The following CENPP variants were observed in gnomAD, a reference collection of about 807,000 sequenced individuals.
The protein encoded by CENPP is centromere protein P.
A neutral mutation model predicts 35.6 loss-of-function variants in CENPP; 24 were observed. That is an observed-to-expected ratio of 0.67 (90% CI 0.49 to 0.95). The LOEUF (loss-of-function observed/expected upper bound fraction) is 0.95, where lower values mean the gene tolerates loss of function less well. Among genes scored for constraint, CENPP ranks in the 40% least tolerant of loss-of-function variants. The pLI is 0.00. For synonymous variants in CENPP, 120 were observed against 125.5 expected (o/e 0.96, Z 0.29); for missense variants, 332 against 345.3 (o/e 0.96, Z 0.31).
intron 5 of CENPP, among the ~76,000 whole-genome samples, chr9:92,562,062 A>G (rs796272148): frequency 2.0e-5 from 3 of 152,324 alleles, no homozygotes; most frequent in African/African-American, 7.2e-5. Flanking sequence ...CAAAAACTAG[A>G]TGGCTTCAAT....
At chr9:92,371,473 G>T (rs149723493) in intron 4 of CENPP, among the ~76,000 whole-genome samples, 59 of 152,270 alleles carry the variant, frequency 3.9e-4, no homozygotes, top group African/African-American at 1.4e-3. Context: ...GTTCTGAGAA[G>T]ACACATGCTA....
At chr9:92,359,289 T>C (rs913895776) in intron 4 of CENPP, among the ~76,000 whole-genome samples, 9 of 152,290 alleles carry the variant, frequency 5.9e-5, no homozygotes, top group Admixed American at 3.3e-4. Flanking sequence ...TTTGTTGTTA[T>C]TGTTGTTGAA....
chr9:92,532,043 T>TTTTTTTTTTTTTTTA (rs1303915728), intron 5 of CENPP, among the ~76,000 whole-genome samples: 2 of 145,124 alleles, frequency 1.4e-5, no homozygotes, highest in Non-Finnish European at 3.0e-5. Flanking sequence ...TATTTTTTTT[T>TTTTTTTTTTTTTTTA]TGAGATGAGG....
chr9:92,526,010 T>C (rs1021132183), intron 5 of CENPP, among the ~76,000 whole-genome samples: 8 of 152,154 alleles, frequency 5.3e-5, no homozygotes, highest in African/African-American at 1.9e-4. Context: ...TTTATCATTG[T>C]TTTAGAGTAC....
chr9:92,498,749 C>T (rs549750634), intron 5 of CENPP, among the ~76,000 whole-genome samples: 1 of 152,118 alleles, frequency 6.6e-6, no homozygotes, highest in Admixed American at 6.5e-5. Context: ...TTATTATGAG[C>T]AGTAATAATG....
At chr9:92,341,123 C>A (rs1274861040) in intron 3 of CENPP, among the ~76,000 whole-genome samples, 2 of 152,058 alleles carry the variant, frequency 1.3e-5, no homozygotes, top group African/African-American at 4.8e-5. Context: ...CTCCAGTCTC[C>A]CATAGCGCTC....
rs145634827 is a variant in CENPP at position 92,381,843 on chromosome 9, A to G, written c.564+1984A>G. Among the ~76,000 whole-genome samples the G allele has an allele frequency of 2.1e-3, 315 of 152,136 alleles. 2 individuals are homozygous for G. Among genetic ancestry groups the G allele is most frequent in the Non-Finnish European group, 2.6e-3 (178 of 68,026 alleles). ...AGTGCTTGTACCATTTTACACCAGCAAAGCACGAGTACTTCAATTTCTCTA... is the reference window on the plus strand; with the variant it reads ...AGTGCTTGTACCATTTTACACCAGCGAAGCACGAGTACTTCAATTTCTCTA... On this transcript the variant is annotated intron_variant, in intron 5 of 7. Transcript: ENST00000375587.
At chr9:92,527,381 G>C (rs1340405874) in intron 5 of CENPP, among the ~76,000 whole-genome samples, 1 of 152,194 alleles carries the variant, frequency 6.6e-6, no homozygotes, top group Non-Finnish European at 1.5e-5. Context: ...GTCATGGGCT[G>C]TACAGGTTTG....
chr9:92,572,637 C>T (rs981210788), intron 5 of CENPP, among the ~76,000 whole-genome samples: 41 of 152,210 alleles, frequency 2.7e-4, no homozygotes, highest in African/African-American at 9.9e-4. Context: ...TGTTGGCCTG[C>T]CTTGCTATGT....
intron 5 of CENPP, among the ~76,000 whole-genome samples, chr9:92,604,004 T>C (rs1213839167): frequency 6.6e-6 from 1 of 152,234 alleles, no homozygotes; most frequent in African/African-American, 2.4e-5. Flanking sequence ...GCTCCCAGTT[T>C]TGGCGCTCTT....
intron 5 of CENPP, among the ~76,000 whole-genome samples, chr9:92,520,394 A>G (rs1434126850): frequency 6.6e-6 from 1 of 152,124 alleles, no homozygotes; most frequent in Non-Finnish European, 1.5e-5. Flanking sequence ...GTTGTTAGGG[A>G]AATGCAAATC....
chr9:92,365,724 A>G lies in CENPP; in HGVS notation c.468-14039A>G, dbSNP rs1459408798. Among the ~76,000 whole-genome samples, 4 of 151,510 alleles carry G rather than the reference A, an allele frequency of 2.6e-5. No individual in the cohort carries two copies. The East Asian group carries it at 5.8e-4, about 22-fold the overall frequency. ...CTGTGCCCAGCCTATAACTATTCTT[A>G]TCCTCATGTAAATTATAAATTTGTG... On this transcript the variant is annotated intron_variant, in intron 4 of 7. Transcript: ENST00000375587.
chr9:92,552,308 T>G lies in CENPP; in HGVS notation c.565-59006T>G, dbSNP rs551392941. On this transcript the variant is annotated intron_variant, in intron 5 of 7. Coordinates refer to ENST00000375587, the MANE Select transcript of CENPP (RefSeq NM_001012267.3). ...TGAATTGTGCTGCTATAAACATGCA[T>G]GTCTAAGTATCTTTTTCGAATAATG... Among the ~76,000 whole-genome samples the G allele has an allele frequency of 1.3e-4, 20 of 152,116 alleles. No homozygotes were observed. The East Asian group carries it at 3.9e-3, about 29-fold the overall frequency.
At chr9:92,374,241 CTGTGTGTGTGTGTGTGTGTG>C (rs10569730) in intron 4 of CENPP, among the ~76,000 whole-genome samples, 2 of 142,756 alleles carry the variant, frequency 1.4e-5, no homozygotes, top group African/African-American at 2.6e-5. Flanking sequence ...TTGCTGTTTG[CTGTGTGTGTGTGTGTGTGTG>C]TGTGTGTGTG....
chr9:92,347,089 A>G (rs1348522915), intron 4 of CENPP, among the ~76,000 whole-genome samples: 1 of 152,194 alleles, frequency 6.6e-6, no homozygotes, highest in Non-Finnish European at 1.5e-5. Flanking sequence ...GAGTTTGCCT[A>G]TGAAGGAATA....
rs541224932 is a variant in CENPP at position 92,619,738 on chromosome 9, G to A, written c.*6589G>A. 1.7e-5 allele frequency: 11 copies of A among 633,016 alleles called. No homozygotes were observed. In the African/African-American group the frequency reaches 1.8e-4, roughly 10 times the overall value. 39.2% of individuals were successfully genotyped at this position (633,016 alleles called of 1,614,324 possible). ...GGCGTCAGGAGGTCGCCCTGTGAGA[G>A]CACCTGGGCCAGCCCTCAGTGCCAC... On this transcript the variant is annotated 3_prime_UTR_variant, in exon 8 of 8. Transcript: ENST00000375587.
In CENPP at chr9:92,616,077, T is replaced by G. The variant is rs760599694; in HGVS notation, c.*2928T>G. On this transcript the variant is annotated 3_prime_UTR_variant, in exon 8 of 8. Transcript: ENST00000375587. ...TCAGAGCTGCAAGTAAAAAGTACCA[T>G]TTCAGGATACACAAGCCCCCCATTC... is the stretch of plus-strand genomic sequence containing the variant. 3.3e-5 allele frequency: 51 copies of G among 1,559,016 alleles called. No homozygotes were observed. The East Asian group carries it at 9.9e-4, about 30-fold the overall frequency.
At chr9:92,343,708 A>G (rs1027868680) in intron 3 of CENPP, among the ~76,000 whole-genome samples, 2 of 152,192 alleles carry the variant, frequency 1.3e-5, no homozygotes, top group Non-Finnish European at 2.9e-5. Flanking sequence ...CACTGAGGGA[A>G]GCCAAGGCAG....
At chr9:92,398,142 T>C (rs1367403315) in intron 5 of CENPP, among the ~76,000 whole-genome samples, 1 of 152,260 alleles carries the variant, frequency 6.6e-6, no homozygotes, top group African/African-American at 2.4e-5. Context: ...TGGAACTTCA[T>C]ATTTGTTTAT....
Sources: gnomAD v4.1 joint callset for allele counts (sites outside exome capture counted in the v4.1 genomes callset) on GRCh38, gnomAD v4.1.1 for gene constraint, MANE v1.5 for transcripts, NCBI Gene and HGNC (gene_info 2026-07-23, HGNC 2026-07-21) for gene names.